Variants in RTN2 observed in about 807,000 individuals in gnomAD.
RTN2 encodes the protein reticulon 2.
Under a neutral mutation model 63.7 loss-of-function variants are expected in RTN2, and 36 were observed. The ratio of observed to expected loss-of-function variants is 0.56; its 90% CI spans 0.43 to 0.75. The LOEUF is 0.75. Among genes scored for constraint, RTN2 ranks in the 30% least tolerant of loss-of-function variants. The pLI is 0.00. For missense variants in RTN2, 673 were observed against 705.1 expected (o/e 0.95, Z 0.52); for synonymous variants, 312 against 313.0 (o/e 1.00, Z 0.03).
At chr19:45,486,736 C>T (rs57125828) in intron 9 of RTN2, among the ~76,000 whole-genome samples, 48,500 of 118,072 alleles carry the variant, frequency 0.41, 9,521 homozygotes, top group East Asian at 0.67. Flanking sequence ...TTCTTTCTTT[C>T]TTTTTTTTTT....
chr19:45,493,854 C>G (rs1968212940), intron 4 of RTN2: 1 of 341,036 alleles, frequency 2.9e-6, no homozygotes. Flanking sequence ...AGCGATTCTC[C>G]TGCCTCAGCC....
At chr19:45,495,329 T>C in intron 1 of RTN2, 190 bp from the exon 2 acceptor site, 1 of 646,722 alleles carries the variant, frequency 1.5e-6, no homozygotes, top group Non-Finnish European at 2.7e-6. Flanking sequence ...GGAATCTTAA[T>C]CTTAGAGTCT....
intron 10 of RTN2, 130 bp downstream of exon 10, chr19:45,485,925 T>C: frequency 8.6e-7 from 1 of 1,163,658 alleles, no homozygotes. Flanking sequence ...GTGGCCTACA[T>C]TGGAATTGCC....
chr19:45,488,595 A>G, intron 8 of RTN2, 42 bp downstream of exon 8: 1 of 1,612,802 alleles, frequency 6.2e-7, no homozygotes, highest in Non-Finnish European at 8.5e-7. Context: ...CCCCCACCAG[A>G]CTCCAAGTCC....
At chr19:45,493,682 G>C (rs1968209462) in intron 4 of RTN2, among the ~76,000 whole-genome samples, 1 of 152,042 alleles carries the variant, frequency 6.6e-6, no homozygotes, top group Non-Finnish European at 1.5e-5. Flanking sequence ...ATTTTTTCAG[G>C]GATTTGGCCT....
chr19:45,492,151 C>T (rs1968174370), intron 5 of RTN2, among the ~76,000 whole-genome samples: 1 of 152,146 alleles, frequency 6.6e-6, no homozygotes, highest in African/African-American at 2.4e-5. Context: ...ATTAATCACG[C>T]CATACTCCTT....
chr19:45,496,960 C>CCAGCCG lies in RTN2; in HGVS notation c.-141_-136dup, dbSNP rs1020895174. On this transcript the variant is annotated 5_prime_UTR_variant, in exon 1 of 11. Transcript: ENST00000245923. ...CGCCGCCTCCTCCTCCCGGGCTGCT[C>CCAGCCG]CAGCCGCCGCCGCCGCCGCCGCCGC... 1.3e-5 allele frequency: 5 copies of CCAGCCG among 399,556 alleles called. No individual in the cohort carries two copies. Among genetic ancestry groups the CCAGCCG allele is most frequent in the African/African-American group, 1.2e-4 (5 of 40,548 alleles). 24.8% of individuals were successfully genotyped at this position (399,556 alleles called of 1,614,324 possible). A position where few individuals can be genotyped will look rare whatever the true frequency, so the allele number is the denominator to read the frequency against.
chr19:45,486,767 T>C (rs34013829), intron 9 of RTN2, among the ~76,000 whole-genome samples: 36,624 of 132,886 alleles, frequency 0.28, 5,117 homozygotes, highest in East Asian at 0.44. Flanking sequence ...CGGAGTCTTG[T>C]TCTGTGGCCC....
At chr19:45,488,760 G>A (rs377557411) in intron 7 of RTN2, 54 bp from the exon 8 acceptor site, 6 of 1,602,280 alleles carry the variant, frequency 3.7e-6, no homozygotes, top group Non-Finnish European at 8.5e-7. Flanking sequence ...CTCTCATGCT[G>A]TGAATTTACC....
rs779963520 is a variant in RTN2, at chr19:45,494,531, C to T, written c.554G>A (p.Gly185Glu). The T allele has an allele frequency of 5.6e-6, 9 of 1,612,760 alleles. No individual in the cohort carries two copies. The highest frequency in any genetic ancestry group is 2.2e-5 in the East Asian group (1 of 44,842). ...EPNRLETGEA[G>E]EELDLRLRLA... is the part of the protein sequence containing the mutation. ...CAGCACCTCGGACATCTCACCTTCC[C>T]CAGCTTCTCCTGTCTCCAATCTGTT... Residue 185 changes from glycine to glutamate, a missense_variant, in exon 3 of 11, where the codon GGG (glycine) becomes GAG (glutamate). By Grantham distance (98) the Gly-to-Glu change is moderately conservative. Transcript: ENST00000245923. The surrounding 1 kb of genome is among the most constrained non-coding windows in gnomAD (Gnocchi z 5.3).
Position 45,494,994 on chromosome 19 carries a change from C to T in RTN2, c.91G>A (p.Asp31Asn), listed in dbSNP as rs774055201. ...GTGTGCAGCTCTCGAAAATCAGAGT[C>T]GTCGTTCCCTCCTGCAGTGGGTGAA... is the stretch of plus-strand genomic sequence containing the variant. ...TPDSTEGGND[D>N]SDFRELHTAR... The change falls in exon 3 of 11, where the codon GAC becomes AAC. Residue 31 changes from aspartate (D) to asparagine (N), a missense_variant. Coordinates refer to ENST00000245923, the MANE Select transcript of RTN2 (RefSeq NM_005619.5). The surrounding 1 kb of genome is among the most constrained non-coding windows in gnomAD (Gnocchi z 5.3). 6 of 1,613,422 alleles carry T rather than the reference C, an allele frequency of 3.7e-6. No homozygotes were observed. Among genetic ancestry groups the T allele is most frequent in the Admixed American group, 1.7e-5 (1 of 59,986 alleles).
Position 45,485,761 on chromosome 19 carries a change from C to A in RTN2, c.1585G>T (p.Ala529Ser). The part of the protein sequence containing the change: ...KIRAKIPGTG[A>S]LASAAAAVSG... Reference sequence around the variant, plus strand: ...ACTGCGGCTGCTGCAGAGGCCAGGGCTCCGGTCCCTGGGATTTTAGCTCGG... The same window carrying A: ...ACTGCGGCTGCTGCAGAGGCCAGGGATCCGGTCCCTGGGATTTTAGCTCGG... Residue 529 changes from alanine (A) to serine (S), a missense_variant, in exon 11 of 11, where the codon GCC becomes TCC. Physicochemically the swap from Ala to Ser is moderately conservative, Grantham distance 99 (BLOSUM62 1). Coordinates refer to ENST00000245923, the MANE Select transcript of RTN2 (RefSeq NM_005619.5). The A allele has an allele frequency of 6.2e-7, 1 of 1,614,000 alleles. No homozygotes were observed. The highest frequency in any genetic ancestry group is 8.5e-7 in the Non-Finnish European group (1 of 1,179,962).
chr19:45,486,214 T>C, intron 9 of RTN2, 101 bp from the exon 10 acceptor site: 1 of 1,027,368 alleles, frequency 9.7e-7, no homozygotes, highest in Admixed American at 2.0e-5. Flanking sequence ...TTAGGAGTTG[T>C]GAAGAGTGGC....
At chr19:45,485,909 C>A in intron 10 of RTN2, 120 bp from the exon 11 acceptor site, 1 of 1,141,822 alleles carries the variant, frequency 8.8e-7, no homozygotes. Flanking sequence ...TCCTGCCCTC[C>A]ACCTAGTGGC....
chr19:45,486,240 C>T (rs990644636), intron 9 of RTN2, 127 bp from the exon 10 acceptor site: 1 of 732,570 alleles, frequency 1.4e-6, no homozygotes, highest in East Asian at 2.7e-5. Flanking sequence ...ACGCCACCCC[C>T]GGCTCTAAAC....
chr19:45,496,520 C>CCCGGGCGGGG (rs1437146078), intron 1 of RTN2: 1 of 345,114 alleles, frequency 2.9e-6, no homozygotes, highest in Non-Finnish European at 5.2e-6. Context: ...CGTCCTCGCT[C>CCCGGGCGGGG]CCGGGCGGGG....
Position 45,486,016 on chromosome 19 carries a change from C to G in RTN2, c.1556+39G>C, listed in dbSNP as rs763294142. ...GAAAGGAAAGGTTCCCAAGCTCCCC[C>G]ACTTCCCCCTCCCATCGACCTCCGC... On this transcript the variant is annotated intron_variant, in intron 10 of 10. Transcript: ENST00000245923. The G allele has an allele frequency of 3.1e-6, 5 of 1,598,466 alleles. No homozygotes were observed. In the Admixed American group the frequency reaches 8.4e-5, roughly 27 times the overall value.
chr19:45,495,512 A>C (rs533694066), intron 1 of RTN2, among the ~76,000 whole-genome samples: 20 of 152,284 alleles, frequency 1.3e-4, no homozygotes, highest in South Asian at 1.0e-3. Context: ...CAAACAATAA[A>C]CAAGTGAATA....
chr19:45,492,600 G>C (rs1322318062), intron 5 of RTN2, among the ~76,000 whole-genome samples: 2 of 152,172 alleles, frequency 1.3e-5, no homozygotes, highest in Non-Finnish European at 1.5e-5. Context: ...CAGGAACTCA[G>C]TACCTTTCTA....
Sources: gnomAD v4.1 joint callset for allele counts (sites outside exome capture counted in the v4.1 genomes callset) on GRCh38, gnomAD v4.1.1 for gene constraint, Gnocchi (gnomAD v3.1) non-coding constraint, MANE v1.5 for transcripts, NCBI Gene and HGNC (gene_info 2026-07-23, HGNC 2026-07-21) for gene names.